Variants in SLC25A26 observed in about 807,000 individuals in gnomAD.
SLC25A26 encodes mitochondrial S-adenosylmethionine carrier protein.
SLC25A26 carries 36 observed loss-of-function variants against 37.8 expected under a neutral mutation model. The ratio of observed to expected loss-of-function variants is 0.95; its 90% CI spans 0.73 to 1.26. The LOEUF (loss-of-function observed/expected upper bound fraction) is 1.26. SLC25A26 is among the 50% of genes most tolerant of loss of function. The pLI is 0.00. For synonymous variants in SLC25A26, 129 were observed against 122.5 expected (o/e 1.05, Z -0.35); for missense variants, 390 against 331.1 (o/e 1.18, Z -1.38).
At chr3:66,248,628 T>C (rs1425122025) in intron 3 of SLC25A26, among the ~76,000 whole-genome samples, 1 of 152,244 alleles carries the variant, frequency 6.6e-6, no homozygotes, top group Non-Finnish European at 1.5e-5. Context: ...ACACTGTGAA[T>C]GTAATGTATG....
chr3:66,344,288 C>A (rs1273339575), intron 5 of SLC25A26, among the ~76,000 whole-genome samples: 1 of 152,100 alleles, frequency 6.6e-6, no homozygotes, highest in Admixed American at 6.5e-5. Context: ...CATGGTGAAA[C>A]CCCGTCTCTA....
intron 5 of SLC25A26, among the ~76,000 whole-genome samples, chr3:66,310,217 C>G (rs1482857531): frequency 2.0e-5 from 3 of 152,158 alleles, no homozygotes; most frequent in Non-Finnish European, 4.4e-5. Context: ...GGATAGTTAG[C>G]TTTTCTTGTT....
At chr3:66,304,924 T>C (rs2107575257) in intron 5 of SLC25A26, among the ~76,000 whole-genome samples, 1 of 152,312 alleles carries the variant, frequency 6.6e-6, no homozygotes, top group East Asian at 1.9e-4. Flanking sequence ...TACCCCATAA[T>C]GTTAAGAAAC....
rs2076717898 is a variant in SLC25A26, at chr3:66,361,978, A to C, written c.499-882A>C. Among the ~76,000 whole-genome samples the C allele has an allele frequency of 5.9e-5, 9 of 152,094 alleles. No individual in the cohort carries two copies. In the South Asian group the frequency reaches 1.7e-3, roughly 28 times the overall value. ...TGACAGAGCGAGTCTGTCTCAAAAAAAAAGAAGAAAGAAAGAAAGAAATAC... is the reference window on the plus strand; with the variant it reads ...TGACAGAGCGAGTCTGTCTCAAAAACAAAGAAGAAAGAAAGAAAGAAATAC... On this transcript the variant is annotated intron_variant, in intron 6 of 9. Transcript: ENST00000354883.
chr3:66,164,759 G>C (rs1221919079), intron 1 of SLC25A26, among the ~76,000 whole-genome samples: 1 of 152,158 alleles, frequency 6.6e-6, no homozygotes, highest in East Asian at 1.9e-4. Context: ...AAAACAGGCT[G>C]TGGGCCATAG....
intron 1 of SLC25A26, among the ~76,000 whole-genome samples, chr3:66,235,113 A>G (rs2072213350): frequency 6.6e-6 from 1 of 152,146 alleles, no homozygotes. Context: ...GACATTTTTG[A>G]GACCCACATT....
At chr3:66,305,070 G>T (rs1350930407) in intron 5 of SLC25A26, among the ~76,000 whole-genome samples, 2 of 152,136 alleles carry the variant, frequency 1.3e-5, no homozygotes, top group African/African-American at 4.8e-5. Flanking sequence ...ACTTAGAGCT[G>T]CGAAAAGCCA....
chr3:66,353,212 G>T (rs997198681), intron 6 of SLC25A26, among the ~76,000 whole-genome samples: 1 of 152,126 alleles, frequency 6.6e-6, no homozygotes, highest in African/African-American at 2.4e-5. Context: ...AGGTGACTCA[G>T]GTTACCAGGT....
intron 5 of SLC25A26, among the ~76,000 whole-genome samples, chr3:66,317,540 G>A (rs981525147): frequency 6.6e-6 from 1 of 152,182 alleles, no homozygotes; most frequent in Admixed American, 6.5e-5. Context: ...GAATGCCCTT[G>A]TATGAGGTGT....
chr3:66,359,290 GC>G (rs976993544), intron 6 of SLC25A26, among the ~76,000 whole-genome samples: 4 of 152,154 alleles, frequency 2.6e-5, no homozygotes, highest in African/African-American at 9.6e-5. Context: ...ATCCTCTTCT[GC>G]CCCCACCATA....
chr3:66,147,727 G>A (rs895547396), intron 1 of SLC25A26, among the ~76,000 whole-genome samples: 4 of 151,926 alleles, frequency 2.6e-5, no homozygotes, highest in African/African-American at 9.7e-5. Flanking sequence ...CCTTCCCTTT[G>A]CACCACATAC....
chr3:66,271,149 G>A (rs1348129720), intron 5 of SLC25A26, among the ~76,000 whole-genome samples: 1 of 152,118 alleles, frequency 6.6e-6, no homozygotes, highest in African/African-American at 2.4e-5. Flanking sequence ...GTAGCTCTTT[G>A]TTGTTGTTCC....
At chr3:66,320,599 C>G (rs1192827872) in intron 5 of SLC25A26, among the ~76,000 whole-genome samples, 2 of 152,036 alleles carry the variant, frequency 1.3e-5, no homozygotes, top group African/African-American at 4.8e-5. Context: ...TGGGTGTATA[C>G]CTATAAGTGG....
At chr3:66,372,709 G>A (rs1700412795) in intron 9 of SLC25A26, among the ~76,000 whole-genome samples, 1 of 152,156 alleles carries the variant, frequency 6.6e-6, no homozygotes, top group African/African-American at 2.4e-5. Context: ...AATGATTAAA[G>A]ACAATAAATA....
intron 1 of SLC25A26, among the ~76,000 whole-genome samples, chr3:66,150,596 G>A (rs1226738793): frequency 8.6e-4 from 36 of 42,056 alleles, no homozygotes; most frequent in Admixed American, 1.5e-3. Flanking sequence ...ATATATATAT[G>A]TAATGAGATA....
At chr3:66,239,077 C>T (rs376758347) in intron 2 of SLC25A26, among the ~76,000 whole-genome samples, 24 of 152,274 alleles carry the variant, frequency 1.6e-4, no homozygotes, top group African/African-American at 5.5e-4. Context: ...TAATCAGAAC[C>T]TTTCTGCTCG....
chr3:66,279,587 A>G (rs767764783), intron 5 of SLC25A26, among the ~76,000 whole-genome samples: 17 of 152,222 alleles, frequency 1.1e-4, no homozygotes, highest in Non-Finnish European at 2.4e-4. Context: ...CTCATTAAAG[A>G]CAGCCGATGA....
chr3:66,209,898 T>TTATATATATATCTA (rs2071257204), intron 1 of SLC25A26, among the ~76,000 whole-genome samples: 1 of 38,608 alleles, frequency 2.6e-5, no homozygotes, highest in Non-Finnish European at 5.0e-5. Flanking sequence ...CTCTCTCTAT[T>TTATATATATATCTA]TATATATATA....
intron 6 of SLC25A26, among the ~76,000 whole-genome samples, chr3:66,357,001 G>C (rs2107785142): frequency 6.6e-6 from 1 of 152,264 alleles, no homozygotes; most frequent in South Asian, 2.1e-4. Context: ...CAACCTAGTA[G>C]ACATGGTTTC....
Sources: gnomAD v4.1 joint callset for allele counts (sites outside exome capture counted in the v4.1 genomes callset) on GRCh38, gnomAD v4.1.1 for gene constraint, MANE v1.5 for transcripts, NCBI Gene and HGNC (gene_info 2026-07-23, HGNC 2026-07-21) for gene names.